LINC00632: variants seen among roughly 807,000 people sequenced by gnomAD.
The protein encoded by LINC00632 is long independently transcribed non-coding RNA 632, also known as ALDOA related specific transcript.
intron 3 of LINC00632, among the ~76,000 whole-genome samples, chrX:140,760,830 G>T: frequency 8.9e-6 from 1 of 111,829 alleles, no homozygotes; most frequent in Non-Finnish European, 1.9e-5. Flanking sequence ...GTCCGAGCTA[G>T]AGAGTTTCAA....
At chrX:140,742,881 A>AGAGAGAG (rs1931256151) in intron 3 of LINC00632, among the ~76,000 whole-genome samples, 3 of 59,036 alleles carry the variant, frequency 5.1e-5, no homozygotes, top group Middle Eastern at 8.5e-3. Context: ...GAGAGAGAGG[A>AGAGAGAG]AGGAAGGAAG....
intron 3 of LINC00632, among the ~76,000 whole-genome samples, chrX:140,755,827 C>T (rs1407027247): frequency 9.0e-6 from 1 of 110,869 alleles, no homozygotes; most frequent in African/African-American, 3.3e-5. Context: ...GCACCTTCTA[C>T]CACAGTACAC....
chrX:140,768,654 ATATAATAAATC>A (rs1419176715), intron 3 of LINC00632, among the ~76,000 whole-genome samples: 13 of 95,722 alleles, frequency 1.4e-4, no homozygotes, highest in Admixed American at 9.1e-4. Flanking sequence ...TATTTATTAT[ATATAATAAATC>A]TATAATAAAT....
chrX:140,718,132 G>A (rs1021560193), intron 2 of LINC00632, among the ~76,000 whole-genome samples: 19 of 109,799 alleles, frequency 1.7e-4, no homozygotes, highest in African/African-American at 3.3e-4. Context: ...GCGAAACTCC[G>A]TCTCAAAGAA....
exon 5 of LINC00632, among the ~76,000 whole-genome samples, chrX:140,780,484 A>C (rs1931919652): frequency 8.9e-6 from 1 of 111,878 alleles, no homozygotes; most frequent in Non-Finnish European, 1.9e-5. Flanking sequence ...TTATTTGTGT[A>C]GTGACTAGAG....
chrX:140,771,149 C>G (rs766958537), intron 3 of LINC00632, among the ~76,000 whole-genome samples: 2 of 111,025 alleles, frequency 1.8e-5, no homozygotes, highest in South Asian at 3.7e-4. Flanking sequence ...TACCAGACAA[C>G]TGTAAAAATA....
intron 2 of LINC00632, among the ~76,000 whole-genome samples, chrX:140,717,290 T>A (rs1930650335): frequency 9.1e-6 from 1 of 110,389 alleles, no homozygotes; most frequent in African/African-American, 3.3e-5. Flanking sequence ...CACAACGCAT[T>A]TTACACTTAC....
intron 3 of LINC00632, among the ~76,000 whole-genome samples, chrX:140,750,552 A>G (rs962992983): frequency 9.0e-6 from 1 of 111,425 alleles, no homozygotes; most frequent in Non-Finnish European, 1.9e-5. Context: ...CATCATATAC[A>G]CAATAAATAT....
intron 3 of LINC00632, among the ~76,000 whole-genome samples, chrX:140,765,660 A>AT (rs1931676840): frequency 9.0e-6 from 1 of 111,151 alleles, no homozygotes; most frequent in Admixed American, 9.6e-5. Context: ...ATCACACTCA[A>AT]TAACTTAGGA....
exon 5 of LINC00632, among the ~76,000 whole-genome samples, chrX:140,786,705 A>C (rs1444729001): frequency 9.0e-6 from 1 of 111,713 alleles, no homozygotes; most frequent in Non-Finnish European, 1.9e-5. Context: ...AAATTATCTA[A>C]AATGTGGATA....
chrX:140,780,060 T>C (rs1020885222), exon 5 of LINC00632, among the ~76,000 whole-genome samples: 9 of 111,926 alleles, frequency 8.0e-5, no homozygotes, highest in Middle Eastern at 4.2e-3. Flanking sequence ...GTGGGCATAT[T>C]TCTTAACCAT....
chrX:140,728,209 C>A (rs1930995861), intron 2 of LINC00632, among the ~76,000 whole-genome samples: 1 of 104,902 alleles, frequency 9.5e-6, no homozygotes, highest in Non-Finnish European at 1.9e-5. Context: ...CATTGCACTC[C>A]AGCCTGGGCA....
intron 3 of LINC00632, among the ~76,000 whole-genome samples, chrX:140,739,857 T>C (rs1228760052): frequency 1.8e-5 from 2 of 111,086 alleles, no homozygotes; most frequent in East Asian, 5.7e-4. Flanking sequence ...ATTGATTAAA[T>C]ACACCAAGTC....
chrX:140,780,718 C>G (rs1296621096), exon 5 of LINC00632, among the ~76,000 whole-genome samples: 1 of 111,699 alleles, frequency 9.0e-6, no homozygotes, highest in African/African-American at 3.3e-5. Flanking sequence ...TCACAGCTGG[C>G]TTCTGAACTT....
chrX:140,724,520 C>T (rs769472762), intron 2 of LINC00632, among the ~76,000 whole-genome samples: 1 of 12,893 alleles, frequency 7.8e-5, no homozygotes, highest in African/African-American at 2.5e-4. Context: ...TCCATACACA[C>T]ACATTCCACA....
exon 5 of LINC00632, among the ~76,000 whole-genome samples, chrX:140,776,477 G>A (rs1931872898): frequency 8.8e-6 from 1 of 113,008 alleles, no homozygotes; most frequent in Non-Finnish European, 1.9e-5. Flanking sequence ...GGACCCGCGC[G>A]TCCGGCGCTG....
At chrX:140,759,105 C>T (rs1931545893) in intron 3 of LINC00632, among the ~76,000 whole-genome samples, 1 of 106,013 alleles carries the variant, frequency 9.4e-6, no homozygotes, top group Admixed American at 1.0e-4. Flanking sequence ...GCTGGGATTA[C>T]GGGCATGTGC....
chrX:140,719,216 C>T (rs1372374727), intron 2 of LINC00632, among the ~76,000 whole-genome samples: 1 of 111,887 alleles, frequency 8.9e-6, no homozygotes, highest in Non-Finnish European at 1.9e-5. Flanking sequence ...CCATAACACA[C>T]AGACTTGCTC....
chrX:140,765,553 GCTTAGAGATTC>G (rs1931674901), intron 3 of LINC00632, among the ~76,000 whole-genome samples: 1 of 112,037 alleles, frequency 8.9e-6, no homozygotes, highest in Non-Finnish European at 1.9e-5. Context: ...ACGCCTCTAT[GCTTAGAGATTC>G]CTTGTTCCTC....
Sources: gnomAD v4.1 joint callset for allele counts (sites outside exome capture counted in the v4.1 genomes callset) on GRCh38, gnomAD v4.1.1 for gene constraint, MANE v1.5 for transcripts, NCBI Gene and HGNC (gene_info 2026-07-23, HGNC 2026-07-21) for gene names.